The following MLANA variants were observed in gnomAD, a reference collection of about 807,000 sequenced individuals.
MLANA encodes the protein melanoma antigen recognized by T-cells 1.
In MLANA, 21 loss-of-function variants were observed where a neutral mutation model predicts 15.7. That is an observed-to-expected ratio of 1.33 (90% CI 0.95 to 1.92). The LOEUF (loss-of-function observed/expected upper bound fraction) is 1.92. MLANA is among the 40% of genes most tolerant of loss of function. The probability of loss-of-function intolerance (pLI) is 0.00; values close to 1 mark genes in which losing one functional copy is unlikely to be tolerated. For missense variants in MLANA, 164 were observed against 143.8 expected (o/e 1.14, Z -0.72); for synonymous variants, 56 against 51.5 (o/e 1.09, Z -0.37).
intron 3 of MLANA, among the ~76,000 whole-genome samples, 189 bp from the exon 4 acceptor site, chr9:5,906,696 G>A (rs1376029335): frequency 1.3e-5 from 2 of 152,240 alleles, no homozygotes; most frequent in Non-Finnish European, 2.9e-5. Context: ...CTGAGAGGTA[G>A]GTAGGTATTA....
intron 1 of MLANA, chr9:5,891,236 T>C (rs929646199): frequency 2.6e-5 from 4 of 152,222 alleles, no homozygotes; most frequent in Non-Finnish European, 5.9e-5. Context: ...GAACCACTTC[T>C]CCTGGTCTGA....
At position 5,905,572 on chromosome 9, in the gene MLANA, T is replaced by A. The variant is rs140687260; in HGVS notation, c.175-1313T>A. Among the ~76,000 whole-genome samples, 511 of 152,344 alleles carry A rather than the reference T, an allele frequency of 3.4e-3. 3 individuals are homozygous for A. The highest frequency in any genetic ancestry group is 0.011 in the African/African-American group (469 of 41,578). On this transcript the variant is annotated intron_variant, in intron 3 of 4. Coordinates refer to ENST00000381477, the MANE Select transcript of MLANA (RefSeq NM_005511.2). ...AAACTGACTCTGGTATAGCATCACA[T>A]GACAGATTGCAGACTCCCTTACCTT...
intron 1 of MLANA, among the ~76,000 whole-genome samples, chr9:5,891,464 G>A (rs986401913): frequency 6.6e-6 from 1 of 152,166 alleles, no homozygotes; most frequent in East Asian, 1.9e-4. Flanking sequence ...AAATGTCCCA[G>A]TGGAAAGGGG....
chr9:5,897,802 C>G (rs982568917), intron 3 of MLANA, 149 bp downstream of exon 3: 2 of 715,864 alleles, frequency 2.8e-6, no homozygotes, highest in African/African-American at 3.5e-5. Context: ...CTACATTGTA[C>G]TTTGGCAACT....
At chr9:5,907,314 T>C (rs1832879331) in intron 4 of MLANA, 1 of 172,680 alleles carries the variant, frequency 5.8e-6, no homozygotes, top group African/African-American at 2.4e-5. Flanking sequence ...ACAATATTCT[T>C]TTATGTTTTT....
Position 5,897,598 on chromosome 9 carries a change from T to G in MLANA, c.119T>G (p.Leu40Ter). Reference sequence around the variant, plus strand: ...ATCCTGACAGTGATCCTGGGAGTCTTACTGCTCATCGGCTGTTGGTATTGT... The same window carrying G: ...ATCCTGACAGTGATCCTGGGAGTCTGACTGCTCATCGGCTGTTGGTATTGT... Reference protein sequence around the residue: ...IGILTVILGVLLLIGCWYCRR... With the variant: ...IGILTVILGV Residue 40 changes from leucine to a stop codon, truncating the protein, a stop_gained, in exon 3 of 5, where the codon TTA becomes TGA. Transcript: ENST00000381477. LOFTEE classifies it high-confidence loss of function. 1 of 1,614,156 alleles carries G rather than the reference T, an allele frequency of 6.2e-7. No individual in the cohort carries two copies. Among genetic ancestry groups the G allele is most frequent in the Admixed American group, 1.7e-5 (1 of 60,028 alleles).
At chr9:5,905,820 A>G (rs1832766564) in intron 3 of MLANA, among the ~76,000 whole-genome samples, 1 of 152,160 alleles carries the variant, frequency 6.6e-6, no homozygotes, top group African/African-American at 2.4e-5. Context: ...TCATAACCCA[A>G]CCACCTCAGG....
intron 3 of MLANA, among the ~76,000 whole-genome samples, chr9:5,898,709 G>C (rs1028165728): frequency 1.3e-5 from 2 of 152,130 alleles, no homozygotes; most frequent in Admixed American, 1.3e-4. Flanking sequence ...TGCTGGTTCT[G>C]TTACTCCACT....
At chr9:5,897,687 A>T in intron 3 of MLANA, 34 bp downstream of exon 3, 2 of 1,546,232 alleles carry the variant, frequency 1.3e-6, no homozygotes, top group Non-Finnish European at 1.8e-6. Context: ...AATCCCTCCA[A>T]GTCCAGGGCC....
At chr9:5,893,955 G>A (rs1831836305) in intron 2 of MLANA, among the ~76,000 whole-genome samples, 1 of 145,320 alleles carries the variant, frequency 6.9e-6, no homozygotes, top group Non-Finnish European at 1.5e-5. Flanking sequence ...TTCTTGCTGT[G>A]TTGTAAATGA....
chr9:5,908,878 T>C lies in MLANA; in HGVS notation c.*170T>C, dbSNP rs1832987148. On this transcript the variant is annotated 3_prime_UTR_variant, in exon 5 of 5. Transcript: ENST00000381477. ...GTAGGTCCGCTAGCAGTACTAATCA[T>C]GTGAGGAAATGATGAGAAATATTAA... is the stretch of plus-strand genomic sequence containing the variant. 1 of 589,462 alleles carries C rather than the reference T, an allele frequency of 1.7e-6. No individual in the cohort carries two copies. The highest frequency in any genetic ancestry group is 3.0e-6 in the Non-Finnish European group (1 of 332,718). 36.5% of individuals were successfully genotyped at this position (589,462 alleles called of 1,614,324 possible).
chr9:5,908,025 A>G (rs922097386), intron 4 of MLANA, among the ~76,000 whole-genome samples: 30 of 152,218 alleles, frequency 2.0e-4, no homozygotes, highest in Admixed American at 2.0e-3. Context: ...ACTAGTACAT[A>G]TACAACACAG....
At chr9:5,901,993 G>T (rs1406553637) in intron 3 of MLANA, among the ~76,000 whole-genome samples, 3 of 147,338 alleles carry the variant, frequency 2.0e-5, no homozygotes, top group Non-Finnish European at 4.5e-5. Context: ...TGCAATATCT[G>T]TCTGGTATTA....
intron 1 of MLANA, 49 bp downstream of exon 1, chr9:5,890,985 T>C (rs1831624556): frequency 6.6e-6 from 1 of 152,114 alleles, no homozygotes; most frequent in African/African-American, 2.4e-5. Context: ...TCTCCCAGAA[T>C]AGGATTTGGG....
At chr9:5,908,028 C>T (rs189919734) in intron 4 of MLANA, among the ~76,000 whole-genome samples, 1 of 152,276 alleles carries the variant, frequency 6.6e-6, no homozygotes, top group Non-Finnish European at 1.5e-5. Context: ...AGTACATATA[C>T]AACACAGCAT....
At chr9:5,895,786 G>A (rs570629964) in intron 2 of MLANA, among the ~76,000 whole-genome samples, 6 of 152,332 alleles carry the variant, frequency 3.9e-5, no homozygotes, top group Admixed American at 1.3e-4. Flanking sequence ...ACTCTGAGGC[G>A]CCCTGCCAAG....
chr9:5,901,455 C>T (rs897775706), intron 3 of MLANA, among the ~76,000 whole-genome samples: 4 of 152,168 alleles, frequency 2.6e-5, no homozygotes, highest in Admixed American at 6.6e-5. Context: ...GCTTTTTCTA[C>T]ATCTATTGAT....
Position 5,894,844 on chromosome 9 carries a change from C to G in MLANA, c.77+2293C>G, listed in dbSNP as rs1009763774. ...TTTGCAGAGTCCAGTCCCAGCATCA[C>G]AGAGCAGAGCATAGAAAGGTAGGTT... On this transcript the variant is annotated intron_variant, in intron 2 of 4. Coordinates refer to ENST00000381477, the MANE Select transcript of MLANA (RefSeq NM_005511.2). This position sits in a 1 kb window ranked among gnomAD's most constrained non-coding sequence, Gnocchi z 4.0. Among the ~76,000 whole-genome samples, 6 of 152,164 alleles carry G rather than the reference C, an allele frequency of 3.9e-5. No homozygotes were observed. Among genetic ancestry groups the G allele is most frequent in the Non-Finnish European group, 8.8e-5 (6 of 68,026 alleles).
At chr9:5,892,621 C>A in intron 2 of MLANA, 70 bp downstream of exon 2, 4 of 1,225,838 alleles carry the variant, frequency 3.3e-6, no homozygotes, top group South Asian at 1.4e-5. Context: ...TGACTTCCAC[C>A]AGTACATGCC....
Sources: allele counts gnomAD v4.1 joint callset (sites outside exome capture counted in the v4.1 genomes callset), GRCh38; gene constraint gnomAD v4.1.1; non-coding constraint Gnocchi (gnomAD v3.1); transcripts MANE v1.5; gene names NCBI Gene and HGNC (gene_info 2026-07-23, HGNC 2026-07-21).